The following NIM1K variants were observed in gnomAD, a reference collection of about 807,000 sequenced individuals.
The protein encoded by NIM1K is serine/threonine-protein kinase NIM1.
Under a neutral mutation model 37.1 loss-of-function variants are expected in NIM1K, and 35 were observed. The ratio of observed to expected loss-of-function variants is 0.94; its 90% confidence interval spans 0.72 to 1.25. NIM1K has a LOEUF of 1.25. NIM1K is among the 50% of genes most tolerant of loss of function. NIM1K has a pLI of 0.00. For synonymous variants in NIM1K, 234 were observed against 206.6 expected (o/e 1.13, Z -1.14); for missense variants, 564 against 548.0 (o/e 1.03, Z -0.29).
At chr5:43,268,245 A>G (rs1753199474) in intron 2 of NIM1K, among the ~76,000 whole-genome samples, 1 of 152,250 alleles carries the variant, frequency 6.6e-6, no homozygotes, top group African/African-American at 2.4e-5. Flanking sequence ...CACAAGCAAA[A>G]TCAATTCATG....
intron 1 of NIM1K, among the ~76,000 whole-genome samples, chr5:43,212,724 G>A (rs781642689): frequency 1.3e-5 from 2 of 152,136 alleles, no homozygotes; most frequent in Non-Finnish European, 2.9e-5. Flanking sequence ...CTGGGAACAA[G>A]GCCCCAGGCA....
chr5:43,260,350 G>A (rs1288894284), intron 2 of NIM1K, among the ~76,000 whole-genome samples: 1 of 152,128 alleles, frequency 6.6e-6, no homozygotes, highest in Non-Finnish European at 1.5e-5. Flanking sequence ...TTGGTATGAT[G>A]TTGGCTTTCG....
At chr5:43,195,788 G>T (rs1205522024) in intron 1 of NIM1K, among the ~76,000 whole-genome samples, 1 of 152,102 alleles carries the variant, frequency 6.6e-6, no homozygotes, top group East Asian at 1.9e-4. Context: ...TCAGGGCATG[G>T]ATAGCGGGAA....
At chr5:43,276,126 C>T (rs183477827) in intron 2 of NIM1K, among the ~76,000 whole-genome samples, 87 of 152,256 alleles carry the variant, frequency 5.7e-4, no homozygotes, top group African/African-American at 2.0e-3. Flanking sequence ...AACTCCCAAC[C>T]TCGTGATCCT....
chr5:43,213,284 CCTTTCCTTTTCTTTTCTTTTCTTTT>C (rs60781454), intron 1 of NIM1K, among the ~76,000 whole-genome samples: 1,992 of 108,726 alleles, frequency 0.018, 65 homozygotes, highest in African/African-American at 0.041. Context: ...TTTCTTGTTT[CCTTTCCTTTTCTTTTCTTTTCTTTT>C]CTTTTCTTTT....
At chr5:43,215,141 G>A (rs1752281648) in intron 1 of NIM1K, among the ~76,000 whole-genome samples, 1 of 152,150 alleles carries the variant, frequency 6.6e-6, no homozygotes, top group Non-Finnish European at 1.5e-5. Context: ...CCTCCTTGGG[G>A]AAATGTTTTC....
At chr5:43,205,147 G>A (rs1476053977) in intron 1 of NIM1K, among the ~76,000 whole-genome samples, 1 of 152,328 alleles carries the variant, frequency 6.6e-6, no homozygotes, top group East Asian at 1.9e-4. Context: ...GTTTCGTAGT[G>A]TTAGGTTCCA....
chr5:43,260,836 C>G (rs1187220601), intron 2 of NIM1K, among the ~76,000 whole-genome samples: 1 of 152,162 alleles, frequency 6.6e-6, no homozygotes, highest in Non-Finnish European at 1.5e-5. Context: ...GTTCAATTCC[C>G]ACCTATGAGT....
At chr5:43,279,465 G>C (rs1176744718) in intron 3 of NIM1K, among the ~76,000 whole-genome samples, 1 of 152,136 alleles carries the variant, frequency 6.6e-6, no homozygotes, top group African/African-American at 2.4e-5. Context: ...GGTGGGAGTG[G>C]AGCATGTGCC....
At chr5:43,223,802 G>A (rs1169718245) in intron 1 of NIM1K, among the ~76,000 whole-genome samples, 1 of 152,162 alleles carries the variant, frequency 6.6e-6, no homozygotes, top group Non-Finnish European at 1.5e-5. Flanking sequence ...AAATTAGGTT[G>A]ATATAAATGA....
chr5:43,220,314 G>T (rs1752362590), intron 1 of NIM1K, among the ~76,000 whole-genome samples: 1 of 131,640 alleles, frequency 7.6e-6, no homozygotes, highest in African/African-American at 2.8e-5. Flanking sequence ...TTTTTTTGGA[G>T]ATGGAGTCTC....
intron 1 of NIM1K, among the ~76,000 whole-genome samples, chr5:43,203,245 T>C (rs928081705): frequency 1.1e-4 from 16 of 152,206 alleles, no homozygotes; most frequent in African/African-American, 3.9e-4. Flanking sequence ...TTAGGATATC[T>C]ATAGTGTTAA....
chr5:43,271,629 T>C (rs1453225909), intron 2 of NIM1K, among the ~76,000 whole-genome samples: 5 of 152,190 alleles, frequency 3.3e-5, no homozygotes, highest in Non-Finnish European at 5.9e-5. Flanking sequence ...GTCATAACCT[T>C]GATATTAATA....
intron 1 of NIM1K, among the ~76,000 whole-genome samples, chr5:43,213,197 CTTTCTTT>C (rs1752235388): frequency 1.9e-5 from 1 of 53,938 alleles, no homozygotes; most frequent in Non-Finnish European, 4.9e-5. Flanking sequence ...TTCTTTCTTT[CTTTCTTT>C]CTTTCTTTCT....
chr5:43,213,404 G>A (rs916324496), intron 1 of NIM1K, among the ~76,000 whole-genome samples: 5 of 148,852 alleles, frequency 3.4e-5, no homozygotes, highest in Admixed American at 2.7e-4. Context: ...ATCTTGGCTC[G>A]CTGCAACCTC....
At chr5:43,215,171 A>T (rs760388082) in intron 1 of NIM1K, among the ~76,000 whole-genome samples, 35 of 152,222 alleles carry the variant, frequency 2.3e-4, no homozygotes, top group Admixed American at 5.2e-4. Context: ...TACCGGGTCA[A>T]TTAGCAAGTA....
chr5:43,207,192 T>A (rs78188724), intron 1 of NIM1K: 16,082 of 742,980 alleles, frequency 0.022, 691 homozygotes, highest in East Asian at 0.15. Flanking sequence ...AGTGGGGATG[T>A]TAATTTGGCA....
At chr5:43,219,712 A>C (rs1168014408) in intron 1 of NIM1K, among the ~76,000 whole-genome samples, 1 of 151,534 alleles carries the variant, frequency 6.6e-6, no homozygotes, top group African/African-American at 2.4e-5. Flanking sequence ...TTATCTTTAC[A>C]CTTTCTTGAT....
intron 1 of NIM1K, among the ~76,000 whole-genome samples, chr5:43,206,363 G>T (rs971607472): frequency 1.4e-5 from 2 of 146,478 alleles, no homozygotes; most frequent in African/African-American, 5.1e-5. Flanking sequence ...AGCCAGGAGG[G>T]GTGGTGCGTT....
Sources: gnomAD v4.1 joint callset for allele counts (sites outside exome capture counted in the v4.1 genomes callset) on GRCh38, gnomAD v4.1.1 for gene constraint, MANE v1.5 for transcripts, NCBI Gene and HGNC (gene_info 2026-07-23, HGNC 2026-07-21) for gene names.